XYLT1: variants seen among roughly 807,000 people sequenced by gnomAD.
XYLT1 encodes beta-D-xylosyltransferase 1.
XYLT1 carries 36 observed loss-of-function variants against 91.3 expected under a neutral mutation model. That is an observed-to-expected ratio of 0.39 (90% CI 0.30 to 0.52). The LOEUF is 0.52. XYLT1 is among the 20% of genes least tolerant of loss of function. XYLT1 has a pLI of 0.68. For missense variants in XYLT1, 1,242 were observed against 1,284.5 expected, an observed-to-expected ratio of 0.97 and a Z score of 0.51; for synonymous variants, 588 against 532.0, an observed-to-expected ratio of 1.11 and a Z score of -1.45.
At chr16:17,246,114 A>T (rs887820629) in intron 3 of XYLT1, among the ~76,000 whole-genome samples, 3 of 152,132 alleles carry the variant, frequency 2.0e-5, no homozygotes, top group Non-Finnish European at 4.4e-5. Flanking sequence ...ACTGGAACCA[A>T]AGTCTCTGAG....
chr16:17,265,182 G>T (rs1488122180), intron 2 of XYLT1, among the ~76,000 whole-genome samples: 3 of 152,124 alleles, frequency 2.0e-5, no homozygotes, highest in African/African-American at 7.2e-5. Context: ...GTGAGACTCT[G>T]TCTCAAAACA....
Position 17,127,687 on chromosome 16 carries a change from A to G in XYLT1, c.2202T>C (p.Phe734=). 2 of 1,614,064 alleles carry G rather than the reference A, an allele frequency of 1.2e-6. No individual in the cohort carries two copies. The highest frequency in any genetic ancestry group is 1.7e-6 in the Non-Finnish European group (2 of 1,180,006). The change falls in exon 10 of 12, where the codon TTT becomes TTC. Residue 734 remains phenylalanine, a synonymous_variant. Transcript: ENST00000261381. ...VFKIASPPSD[F]GRLQFSEVGT... The stretch of plus-strand genomic sequence containing the variant: ...TTACCTCGGAAAACTGAAGCCTCCC[A>G]AAGTCACTGGGTGGGCTTGCGATCT...
intron 3 of XYLT1, 90 bp downstream of exon 3, chr16:17,258,898 G>A: frequency 2.9e-6 from 4 of 1,386,902 alleles, no homozygotes; most frequent in Non-Finnish European, 3.7e-6. Flanking sequence ...GCCTTTCTCA[G>A]AAGGTCTGAG....
chr16:17,344,468 G>A (rs976244831), intron 2 of XYLT1, among the ~76,000 whole-genome samples: 2 of 150,302 alleles, frequency 1.3e-5, no homozygotes, highest in African/African-American at 4.9e-5. Context: ...ACTCCATCCT[G>A]GGTGACAGAA....
chr16:17,296,667 T>C (rs1567361681), intron 2 of XYLT1, among the ~76,000 whole-genome samples: 1 of 152,158 alleles, frequency 6.6e-6, no homozygotes, highest in African/African-American at 2.4e-5. Flanking sequence ...ACAAATCCGA[T>C]TTCTCCAGGG....
At chr16:17,397,358 T>C (rs923840260) in intron 1 of XYLT1, among the ~76,000 whole-genome samples, 3 of 152,146 alleles carry the variant, frequency 2.0e-5, no homozygotes, top group Non-Finnish European at 4.4e-5. Context: ...GCAATCTAAT[T>C]TGATATGAAC....
At chr16:17,167,815 A>G (rs918039633) in intron 5 of XYLT1, among the ~76,000 whole-genome samples, 9 of 138,968 alleles carry the variant, frequency 6.5e-5, no homozygotes, top group African/African-American at 8.2e-5. Flanking sequence ...CTTCCATCTC[A>G]TGCATGGATT....
At chr16:17,377,750 G>C (rs2035621904) in intron 1 of XYLT1, among the ~76,000 whole-genome samples, 1 of 152,154 alleles carries the variant, frequency 6.6e-6, no homozygotes, top group Admixed American at 6.5e-5. Context: ...TGATGCCTGT[G>C]AGTTTCAAGC....
At chr16:17,300,445 A>ATTCT (rs1380847732) in intron 2 of XYLT1, among the ~76,000 whole-genome samples, 7 of 69,972 alleles carry the variant, frequency 1.0e-4, no homozygotes, top group Non-Finnish European at 1.9e-4. Flanking sequence ...TCTTTCTTTC[A>ATTCT]TTCTTTCTTT....
intron 1 of XYLT1, among the ~76,000 whole-genome samples, chr16:17,397,774 C>T (rs116431135): frequency 0.015 from 2,323 of 151,194 alleles, 60 homozygotes; most frequent in African/African-American, 0.054. Context: ...ATACAAACAG[C>T]GGAATGAGTC....
chr16:17,392,127 T>C (rs1291837645), intron 1 of XYLT1, among the ~76,000 whole-genome samples: 1 of 152,088 alleles, frequency 6.6e-6, no homozygotes, highest in South Asian at 2.1e-4. Context: ...GACTTCCCCA[T>C]CTCCCTGGAA....
At chr16:17,172,117 A>C (rs2031834020) in intron 5 of XYLT1, among the ~76,000 whole-genome samples, 1 of 152,222 alleles carries the variant, frequency 6.6e-6, no homozygotes, top group Non-Finnish European at 1.5e-5. Context: ...TACTCGGTGT[A>C]CAGTAAATAC....
At chr16:17,414,069 C>T (rs951507488) in intron 1 of XYLT1, among the ~76,000 whole-genome samples, 3 of 152,084 alleles carry the variant, frequency 2.0e-5, no homozygotes, top group Non-Finnish European at 4.4e-5. Flanking sequence ...AGGTTCTGGC[C>T]TAGATTTTCT....
intron 11 of XYLT1, among the ~76,000 whole-genome samples, chr16:17,112,639 C>A (rs1966844390): frequency 6.6e-6 from 1 of 152,132 alleles, no homozygotes; most frequent in African/African-American, 2.4e-5. Flanking sequence ...AAGATGTGAA[C>A]TAGATCAAGA....
chr16:17,105,555 C>G lies in XYLT1; in HGVS notation c.*3140G>C, dbSNP rs55700284. Reference sequence around the variant, plus strand: ...GGAAGTGAAGTGGGATGTGGGAAGGCTGGCTGTCTCCTGAGCTCAATTTCT... The same window carrying G: ...GGAAGTGAAGTGGGATGTGGGAAGGGTGGCTGTCTCCTGAGCTCAATTTCT... On this transcript the variant is annotated 3_prime_UTR_variant, in exon 12 of 12. Transcript: ENST00000261381. The G allele has an allele frequency of 6.6e-6, 1 of 152,188 alleles. No homozygotes were observed. 9.4% of individuals were successfully genotyped at this position (152,188 alleles called of 1,614,324 possible).
At chr16:17,387,306 G>T (rs2035759573) in intron 1 of XYLT1, among the ~76,000 whole-genome samples, 1 of 152,142 alleles carries the variant, frequency 6.6e-6, no homozygotes, top group Admixed American at 6.5e-5. Context: ...AACTGTTGCA[G>T]GGTCTCTGCC....
intron 3 of XYLT1, among the ~76,000 whole-genome samples, chr16:17,220,411 G>A (rs952416812): frequency 6.6e-6 from 1 of 152,168 alleles, no homozygotes; most frequent in African/African-American, 2.4e-5. Flanking sequence ...AGAAGCAGTG[G>A]GTAGCCGGGA....
intron 1 of XYLT1, among the ~76,000 whole-genome samples, chr16:17,454,903 T>TCCTCCC (rs2036717982): frequency 2.7e-5 from 1 of 36,972 alleles, no homozygotes; most frequent in Non-Finnish European, 4.5e-5. Context: ...CATTCTTTCC[T>TCCTCCC]CCCCCCCCCG....
chr16:17,245,435 G>C (rs1406405905), intron 3 of XYLT1, among the ~76,000 whole-genome samples: 1 of 152,224 alleles, frequency 6.6e-6, no homozygotes, highest in Non-Finnish European at 1.5e-5. Flanking sequence ...TTCTGATTTA[G>C]GGCAACATAA....
Sources: gnomAD v4.1 joint callset for allele counts (sites outside exome capture counted in the v4.1 genomes callset) on GRCh38, gnomAD v4.1.1 for gene constraint, MANE v1.5 for transcripts, NCBI Gene and HGNC (gene_info 2026-07-23, HGNC 2026-07-21) for gene names.